Variants in ZNF385D observed in about 807,000 individuals in gnomAD.
ZNF385D encodes zinc finger protein 385D, also known as zinc finger protein 659.
Under a neutral mutation model 35.8 loss-of-function variants are expected in ZNF385D, and 15 were observed. The observed-to-expected ratio is 0.42, with a 90% CI of 0.28 to 0.64. The LOEUF is 0.64. ZNF385D is among the 30% of genes least tolerant of loss of function. The pLI, the probability that ZNF385D is intolerant of heterozygous loss-of-function variation, is 0.23. For missense variants in ZNF385D, 474 were observed against 494.6 expected, an observed-to-expected ratio of 0.96 and a Z score of 0.39; for synonymous variants, 212 against 186.8, an observed-to-expected ratio of 1.13 and a Z score of -1.10.
chr3:21,830,365 G>C (rs900658394), intron 3 of ZNF385D, among the ~76,000 whole-genome samples: 1 of 152,146 alleles, frequency 6.6e-6, no homozygotes, highest in Non-Finnish European at 1.5e-5. Flanking sequence ...ACATTGATCT[G>C]TTATGTTACC....
intron 3 of ZNF385D, among the ~76,000 whole-genome samples, chr3:22,119,758 T>C (rs1310595104): frequency 1.3e-5 from 2 of 152,180 alleles, no homozygotes; most frequent in Non-Finnish European, 2.9e-5. Flanking sequence ...CCCTGGGATT[T>C]CTCTGCTGAA....
intron 3 of ZNF385D, among the ~76,000 whole-genome samples, chr3:21,778,220 G>A (rs767722891): frequency 6.6e-5 from 10 of 151,876 alleles, no homozygotes; most frequent in Non-Finnish European, 1.2e-4. Flanking sequence ...TCAGGCTCTT[G>A]TTTACCACTT....
intron 1 of ZNF385D, among the ~76,000 whole-genome samples, chr3:21,729,975 T>G (rs1238731926): frequency 6.6e-6 from 1 of 152,228 alleles, no homozygotes; most frequent in East Asian, 1.9e-4. Flanking sequence ...CTCACTTATC[T>G]TTTAATTACT....
chr3:21,808,883 G>C (rs1403249316), intron 3 of ZNF385D, among the ~76,000 whole-genome samples: 3 of 152,070 alleles, frequency 2.0e-5, no homozygotes, highest in Admixed American at 6.5e-5. Flanking sequence ...CACCAAAGTA[G>C]GACAGATTAA....
chr3:22,028,068 C>A (rs149817140), intron 3 of ZNF385D, among the ~76,000 whole-genome samples: 1 of 152,048 alleles, frequency 6.6e-6, no homozygotes, highest in African/African-American at 2.4e-5. Context: ...GATTATACAC[C>A]GATTCATGGG....
At chr3:22,116,118 T>C (rs1918462) in intron 3 of ZNF385D, among the ~76,000 whole-genome samples, 1 of 151,890 alleles carries the variant, frequency 6.6e-6, no homozygotes, top group Non-Finnish European at 1.5e-5. Context: ...CATGCTACGG[T>C]AGGATAATAA....
intron 3 of ZNF385D, among the ~76,000 whole-genome samples, chr3:21,858,532 G>A (rs1363159166): frequency 6.6e-6 from 1 of 150,558 alleles, no homozygotes; most frequent in Non-Finnish European, 1.5e-5. Flanking sequence ...AGGACCCAAA[G>A]AATTTGTTTG....
intron 4 of ZNF385D, among the ~76,000 whole-genome samples, chr3:21,440,020 A>G (rs1263031504): frequency 2.6e-5 from 4 of 152,074 alleles, no homozygotes; most frequent in African/African-American, 4.8e-5. Context: ...TTGACTCCAT[A>G]AAGATAGGAA....
Position 21,415,217 on chromosome 3 carries a change from G to C in ZNF385D, c.*5997C>G, listed in dbSNP as rs1700545654. 1 of 152,068 alleles carries C rather than the reference G, an allele frequency of 6.6e-6. No individual in the cohort carries two copies. The highest frequency in any genetic ancestry group is 2.1e-4 in the South Asian group (1 of 4,826). 9.4% of individuals were successfully genotyped at this position (152,068 alleles called of 1,614,324 possible). ...AAATACAATCTGGGTTTCCAATGAA[G>C]GCTCTCTCTGCTAATTTTCCGTTGT... On this transcript the variant is annotated 3_prime_UTR_variant, in exon 8 of 8. Coordinates refer to ENST00000281523, the MANE Select transcript of ZNF385D (RefSeq NM_024697.3).
intron 2 of ZNF385D, among the ~76,000 whole-genome samples, chr3:22,312,170 T>C (rs1215756970): frequency 1.3e-5 from 2 of 152,186 alleles, no homozygotes; most frequent in African/African-American, 4.8e-5. Context: ...CTTTGTATTA[T>C]GATACTCGTT....
At chr3:21,892,810 G>T (rs1000176865) in intron 3 of ZNF385D, among the ~76,000 whole-genome samples, 6 of 152,128 alleles carry the variant, frequency 3.9e-5, no homozygotes, top group African/African-American at 1.2e-4. Flanking sequence ...ATAAGATGCA[G>T]ATTAGTGATT....
rs1350071191 is a variant in ZNF385D at position 22,228,835 on chromosome 3, T to A, written c.107-59800A>T. On this transcript the variant is annotated intron_variant, in intron 2 of 5. Coordinates refer to the ZNF385D transcript ENST00000494108. ...GACTGGCTGAGTCTTCTGACCTTCA[T>A]CTTTTTCCCATGTTGGATATTTCCT... Among the ~76,000 whole-genome samples the A allele has an allele frequency of 2.0e-5, 3 of 152,196 alleles. No homozygotes were observed. In the South Asian group the frequency reaches 6.2e-4, roughly 32 times the overall value.
intron 1 of ZNF385D, among the ~76,000 whole-genome samples, chr3:21,740,126 C>G (rs2069438818): frequency 6.6e-6 from 1 of 152,144 alleles, no homozygotes; most frequent in African/African-American, 2.4e-5. Context: ...AAGTCCCAGG[C>G]AACATGGAAT....
intron 3 of ZNF385D, among the ~76,000 whole-genome samples, chr3:21,923,140 C>T (rs370430985): frequency 8.5e-5 from 13 of 152,078 alleles, no homozygotes; most frequent in Non-Finnish European, 1.8e-4. Context: ...CCCATTAACT[C>T]GTGATTTACA....
At chr3:21,714,363 A>G (rs1242988739) in intron 1 of ZNF385D, among the ~76,000 whole-genome samples, 2 of 152,044 alleles carry the variant, frequency 1.3e-5, no homozygotes, top group Non-Finnish European at 2.9e-5. Flanking sequence ...CTCTTTCCCC[A>G]TCCACTTCTG....
At chr3:22,080,755 G>A (rs1238554218) in intron 3 of ZNF385D, among the ~76,000 whole-genome samples, 1 of 151,986 alleles carries the variant, frequency 6.6e-6, no homozygotes, top group South Asian at 2.1e-4. Flanking sequence ...CCTTTGGGGG[G>A]CAATTAGATT....
intron 4 of ZNF385D, among the ~76,000 whole-genome samples, chr3:21,445,988 A>G (rs1032409908): frequency 3.3e-5 from 5 of 152,200 alleles, no homozygotes; most frequent in Non-Finnish European, 7.3e-5. Flanking sequence ...CACGAATCAA[A>G]AAGAATCCTA....
At chr3:22,226,442 G>A (rs536168923) in intron 2 of ZNF385D, among the ~76,000 whole-genome samples, 5 of 152,196 alleles carry the variant, frequency 3.3e-5, no homozygotes, top group African/African-American at 9.6e-5. Context: ...CAAGATTATT[G>A]TTTCATACAA....
chr3:22,185,258 C>A (rs547720922), intron 2 of ZNF385D, among the ~76,000 whole-genome samples: 1 of 152,116 alleles, frequency 6.6e-6, no homozygotes, highest in South Asian at 2.1e-4. Flanking sequence ...AACATTTGAG[C>A]CAAATTAAAT....
Sources: allele counts gnomAD v4.1 joint callset (sites outside exome capture counted in the v4.1 genomes callset), GRCh38; gene constraint gnomAD v4.1.1; transcripts MANE v1.5; gene names NCBI Gene and HGNC (gene_info 2026-07-23, HGNC 2026-07-21).